The following SLC2A8 variants were observed in gnomAD, a reference collection of about 807,000 sequenced individuals.
SLC2A8 encodes solute carrier family 2 member 8.
SLC2A8 carries 53 observed loss-of-function variants against 49.2 expected under a neutral mutation model. That is an observed-to-expected ratio of 1.08 (90% CI 0.86 to 1.35). The LOEUF (loss-of-function observed/expected upper bound fraction) is 1.35, where lower values mean the gene tolerates loss of function less well. SLC2A8 is among the 40% of genes most tolerant of loss of function. The probability of loss-of-function intolerance (pLI) is 0.00; values close to 1 mark genes in which losing one functional copy is unlikely to be tolerated. For missense variants in SLC2A8, 688 were observed against 671.7 expected, an observed-to-expected ratio of 1.02 and a Z score of -0.27; for synonymous variants, 299 against 297.0, an observed-to-expected ratio of 1.01 and a Z score of -0.07.
chr9:127,399,972 G>GGTC lies in SLC2A8; in HGVS notation c.500_502dup (p.Val167dup), dbSNP rs762116136. 6.5e-5 allele frequency: 105 copies of GGTC among 1,613,680 alleles called. No homozygotes were observed. Among genetic ancestry groups the GGTC allele is most frequent in the Middle Eastern group, 3.3e-4 (2 of 6,084 alleles). On this transcript the variant is annotated inframe_insertion, in exon 4 of 10. Coordinates refer to ENST00000373371, the MANE Select transcript of SLC2A8 (RefSeq NM_014580.5). This position sits in a 1 kb window ranked among gnomAD's most constrained non-coding sequence, Gnocchi z 4.2. ...TGCTCGGCTCCTGTGTGCAGCTAATGGTCGTCGTCGGCATCCTCCTGGCCT... is the reference window on the plus strand; with the variant it reads ...TGCTCGGCTCCTGTGTGCAGCTAATGGTCGTCGTCGTCGGCATCCTCCTGGCCT...
intron 5 of SLC2A8, chr9:127,403,342 C>T (rs1833363945): frequency 2.4e-6 from 1 of 415,130 alleles, no homozygotes; most frequent in East Asian, 4.4e-5. Flanking sequence ...TAGCTAGGGC[C>T]AGGCCCAGAC....
At chr9:127,405,659 C>T (rs1202540222) in intron 9 of SLC2A8, 94 bp downstream of exon 9, 17 of 1,496,638 alleles carry the variant, frequency 1.1e-5, no homozygotes, top group Non-Finnish European at 1.4e-5. Flanking sequence ...GGGTCGTGGC[C>T]TTACATGCAG....
rs1260769769 is a variant in SLC2A8 at position 127,407,609 on chromosome 9, C to T, written c.*360C>T. On this transcript the variant is annotated 3_prime_UTR_variant, in exon 10 of 10. Transcript: ENST00000373371. ...GCTGGGCATTCAGTCGCTCCTCTCA[C>T]GCGGCTGCCTTATCGGGAAGGAAAT... 5.3e-6 allele frequency: 2 copies of T among 376,854 alleles called. No individual in the cohort carries two copies. Among genetic ancestry groups the T allele is most frequent in the Non-Finnish European group, 1.1e-5 (2 of 182,658 alleles). The allele number at this position is 376,854 out of a possible 1,614,324, so 23.3% of individuals were successfully genotyped here. A position where few individuals can be genotyped will look rare whatever the true frequency, so the allele number is the denominator to read the frequency against.
chr9:127,405,718 G>A (rs568436556), intron 9 of SLC2A8, among the ~76,000 whole-genome samples, 153 bp downstream of exon 9: 4 of 152,384 alleles, frequency 2.6e-5, no homozygotes, highest in East Asian at 3.9e-4. Flanking sequence ...GCAAGGCGAC[G>A]TGGAGGCAGA....
intron 9 of SLC2A8, 46 bp downstream of exon 9, chr9:127,405,611 A>C (rs761570898): frequency 1.2e-6 from 2 of 1,608,590 alleles, no homozygotes. Flanking sequence ...GTCAGCCGAG[A>C]AGCACTTTCT....
intron 8 of SLC2A8, 26 bp from the exon 9 acceptor site, chr9:127,405,394 C>A (rs1241428829): frequency 1.2e-6 from 2 of 1,610,140 alleles, no homozygotes; most frequent in Non-Finnish European, 1.7e-6. Context: ...ACCCTGATGC[C>A]TGTCTTGCCT....
At chr9:127,403,383 G>A in intron 5 of SLC2A8, 1 of 505,694 alleles carries the variant, frequency 2.0e-6, no homozygotes, top group Non-Finnish European at 3.6e-6. Context: ...GTTGGTGGTG[G>A]CAGGGATGAG....
chr9:127,402,800 G>A lies in SLC2A8; in HGVS notation c.723+47G>A, dbSNP rs774763810. On this transcript the variant is annotated intron_variant, in intron 5 of 9. Coordinates refer to ENST00000373371, the MANE Select transcript of SLC2A8 (RefSeq NM_014580.5). ...CTGACAGGAGTGGGACAGCAGTCAC[G>A]GGAGGGTAGCACAGCCTGTTCCCAA... 31 of 1,480,898 alleles carry A rather than the reference G, an allele frequency of 2.1e-5. No homozygotes were observed. In the Admixed American group the frequency reaches 3.0e-4, roughly 14 times the overall value. 91.7% of individuals were successfully genotyped at this position (1,480,898 alleles called of 1,614,324 possible).
At chr9:127,403,934 C>G in intron 6 of SLC2A8, 25 bp from the exon 7 acceptor site, 1 of 1,608,130 alleles carries the variant, frequency 6.2e-7, no homozygotes, top group Non-Finnish European at 8.5e-7. Context: ...GCCCACCTGA[C>G]CTGCCTGGGC....
In SLC2A8 at chr9:127,402,636, G is replaced by GC; in HGVS notation, c.609dup (p.Glu204ArgfsTer37). The GC allele has an allele frequency of 6.3e-7, 1 of 1,596,948 alleles. No individual in the cohort carries two copies. Among genetic ancestry groups the GC allele is most frequent in the Non-Finnish European group, 8.5e-7 (1 of 1,174,036 alleles). ...TCATGCTGCTTCTCATGTGCTTCAT[G>GC]CCCGAGACCCCGCGCTTCCTGCTGA... On this transcript the variant is annotated frameshift_variant, in exon 5 of 10. Coordinates refer to ENST00000373371, the MANE Select transcript of SLC2A8 (RefSeq NM_014580.5). LOFTEE classifies it high-confidence loss of function.
Position 127,402,648 on chromosome 9 carries a change from G to C in SLC2A8, c.618G>C (p.Pro206=), listed in dbSNP as rs200192886. The C allele has an allele frequency of 3.1e-6, 5 of 1,591,852 alleles. No individual in the cohort carries two copies. Among genetic ancestry groups the C allele is most frequent in the Non-Finnish European group, 4.3e-6 (5 of 1,171,156 alleles). Reference sequence around the variant, plus strand: ...TCATGTGCTTCATGCCCGAGACCCCGCGCTTCCTGCTGACTCAGCACAGGC... The same window carrying C: ...TCATGTGCTTCATGCCCGAGACCCCCCGCTTCCTGCTGACTCAGCACAGGC... ...LLLMCFMPET[P]RFLLTQHRRQ... The change falls in exon 5 of 10, where the codon CCG becomes CCC. Residue 206 remains proline, a synonymous_variant. Transcript: ENST00000373371.
intron 9 of SLC2A8, 45 bp from the exon 10 acceptor site, chr9:127,407,067 C>G (rs1419761166): frequency 1.3e-5 from 21 of 1,606,578 alleles, no homozygotes; most frequent in Non-Finnish European, 1.7e-5. Flanking sequence ...GTGGGGCTTC[C>G]TGATCTCTCC....
At position 127,404,080 on chromosome 9, in the gene SLC2A8, C is replaced by T. The variant is rs561241080; in HGVS notation, c.976+13C>T. 60 of 1,547,342 alleles carry T rather than the reference C, an allele frequency of 3.9e-5. No individual in the cohort carries two copies. The South Asian group carries it at 6.8e-4, about 18-fold the overall frequency. On this transcript the variant is annotated intron_variant, in intron 7 of 9. Transcript: ENST00000373371. Reference sequence around the variant, plus strand: ...CTGGTCTTGTCAGGTGAGGGTTCACCCCTGTGCAGCCTCCCCGCCATGCGG... The same window carrying T: ...CTGGTCTTGTCAGGTGAGGGTTCACTCCTGTGCAGCCTCCCCGCCATGCGG...
chr9:127,403,921 C>G (rs773554690), intron 6 of SLC2A8, 38 bp from the exon 7 acceptor site: 1 of 1,603,298 alleles, frequency 6.2e-7, no homozygotes, highest in South Asian at 1.1e-5. Flanking sequence ...CAGCTCTCAG[C>G]TGGCCCACCT....
rs1833341701 is a variant in SLC2A8 at position 127,402,763 on chromosome 9, T to C, written c.723+10T>C. On this transcript the variant is annotated intron_variant, in intron 5 of 9. Coordinates refer to ENST00000373371, the MANE Select transcript of SLC2A8 (RefSeq NM_014580.5). The stretch of plus-strand genomic sequence containing the variant: ...CATCGGGGCTGAGCAGGTGAGAGGC[T>C]GGAAGGCAGAGCTGACAGGAGTGGG... The C allele has an allele frequency of 6.5e-7, 1 of 1,527,866 alleles. No homozygotes were observed. Among genetic ancestry groups the C allele is most frequent in the Non-Finnish European group, 8.8e-7 (1 of 1,136,718 alleles). The allele number at this position is 1,527,866 out of a possible 1,614,324, so 94.6% of individuals were successfully genotyped here. A position where few individuals can be genotyped will look rare whatever the true frequency, so the allele number is the denominator to read the frequency against.
intron 9 of SLC2A8, chr9:127,406,075 G>A (rs761552393): frequency 1.9e-6 from 1 of 518,606 alleles, no homozygotes. Context: ...TGTGGCCCCT[G>A]TCCCGGGGCT....
intron 5 of SLC2A8, 161 bp from the exon 6 acceptor site, chr9:127,403,499 C>T: frequency 1.3e-6 from 1 of 772,350 alleles, no homozygotes; most frequent in Non-Finnish European, 2.1e-6. Flanking sequence ...CATGGGGAGG[C>T]TGGGACTTGT....
chr9:127,399,150 A>C lies in SLC2A8; in HGVS notation c.427-757A>C, dbSNP rs1249178664. On this transcript the variant is annotated intron_variant, in intron 3 of 9. Coordinates refer to ENST00000373371, the MANE Select transcript of SLC2A8 (RefSeq NM_014580.5). This position sits in a 1 kb window ranked among gnomAD's most constrained non-coding sequence, Gnocchi z 4.2. ...CAGCCACTGGTAGTGACCGAGGCAG[A>C]GAGTTCGTGCTTCTAGTCCAAGGCC... is the stretch of plus-strand genomic sequence containing the variant. Among the ~76,000 whole-genome samples the C allele has an allele frequency of 3.3e-5, 5 of 152,122 alleles. No individual in the cohort carries two copies. The highest frequency in any genetic ancestry group is 1.2e-4 in the African/African-American group (5 of 41,404).
At chr9:127,398,378 G>T in intron 3 of SLC2A8, 1 of 760,998 alleles carries the variant, frequency 1.3e-6, no homozygotes, top group South Asian at 1.4e-5. Flanking sequence ...AGTCAGAGGG[G>T]AAGCAGTTGC....
Sources: gnomAD v4.1 joint callset for allele counts (sites outside exome capture counted in the v4.1 genomes callset) on GRCh38, gnomAD v4.1.1 for gene constraint, Gnocchi (gnomAD v3.1) non-coding constraint, MANE v1.5 for transcripts, NCBI Gene and HGNC (gene_info 2026-07-23, HGNC 2026-07-21) for gene names.